HDAC9: variants seen among roughly 807,000 people sequenced by gnomAD.
HDAC9 encodes the protein histone deacetylase 9, also known as MEF-2 interacting transcription repressor (MITR) protein.
HDAC9 carries 41 observed loss-of-function variants against 139.4 expected under a neutral mutation model. That is an observed-to-expected ratio of 0.29 (90% CI 0.23 to 0.38). The LOEUF (loss-of-function observed/expected upper bound fraction) is 0.38, where lower values mean the gene tolerates loss of function less well. Among genes scored for constraint, HDAC9 ranks in the 10% least tolerant of loss-of-function variants. HDAC9 has a pLI of 1.00. For synonymous variants in HDAC9, 517 were observed against 476.2 expected, an observed-to-expected ratio of 1.09 and a Z score of -1.12; for missense variants, 1,147 against 1,297.0, an observed-to-expected ratio of 0.88 and a Z score of 1.78.
intron 1 of HDAC9, among the ~76,000 whole-genome samples, chr7:18,305,253 T>C (rs1422354530): frequency 1.3e-5 from 2 of 152,166 alleles, no homozygotes; most frequent in African/African-American, 2.4e-5. Context: ...AGTGCCACAA[T>C]AGCAAAAATC....
At chr7:18,244,571 G>A (rs1348374254) in intron 2 of HDAC9, among the ~76,000 whole-genome samples, 1 of 152,094 alleles carries the variant, frequency 6.6e-6, no homozygotes, top group African/African-American at 2.4e-5. Flanking sequence ...GGCCAGGGCG[G>A]GTGGATTACA....
intron 2 of HDAC9, among the ~76,000 whole-genome samples, chr7:18,214,692 G>C (rs534856869): frequency 2.0e-5 from 3 of 151,940 alleles, no homozygotes; most frequent in Non-Finnish European, 2.9e-5. Context: ...TATATAATGT[G>C]TATAACATTT....
intron 8 of HDAC9, among the ~76,000 whole-genome samples, chr7:18,643,352 G>A (rs1273410256): frequency 6.6e-6 from 1 of 152,062 alleles, no homozygotes; most frequent in Non-Finnish European, 1.5e-5. Flanking sequence ...TAATGTTATT[G>A]CTTTCAACAT....
chr7:18,494,715 T>C (rs1335232333), upstream of HDAC9, among the ~76,000 whole-genome samples: 1 of 152,098 alleles, frequency 6.6e-6, no homozygotes, highest in East Asian at 1.9e-4. Flanking sequence ...TAAATGCTAT[T>C]TCTACAGAAA....
chr7:18,201,060 G>A (rs1791081188), intron 2 of HDAC9, among the ~76,000 whole-genome samples: 1 of 152,146 alleles, frequency 6.6e-6, no homozygotes, highest in Admixed American at 6.5e-5. Flanking sequence ...GCCAGGCCCA[G>A]TTCCTTAGTT....
rs771306477 is a variant in HDAC9, at chr7:18,443,920, TTATA to T, written c.-41-52336_-41-52333del. ...ACATTTGTATAAACATACATTTGTATTATATATATGTATATATATGTATGTATGT... is the reference window on the plus strand; with the variant it reads ...ACATTTGTATAAACATACATTTGTATTATATGTATATATATGTATGTATGT... On this transcript the variant is annotated intron_variant, in intron 1 of 3. Transcript: ENST00000413509. Among the ~76,000 whole-genome samples, 5 of 151,666 alleles carry T rather than the reference TTATA, an allele frequency of 3.3e-5. No homozygotes were observed. In the East Asian group the frequency reaches 7.7e-4, roughly 23 times the overall value.
intron 21 of HDAC9, among the ~76,000 whole-genome samples, chr7:18,868,151 A>G (rs1798634376): frequency 6.6e-6 from 1 of 152,102 alleles, no homozygotes; most frequent in South Asian, 2.1e-4. Context: ...CTTATATGCC[A>G]GGTAATCCCT....
chr7:18,115,060 C>T (rs2697905), intron 1 of HDAC9, among the ~76,000 whole-genome samples: 2 of 152,042 alleles, frequency 1.3e-5, no homozygotes, highest in African/African-American at 4.8e-5. Context: ...GAGAGGCCAA[C>T]GTGGGAGGAT....
At chr7:18,965,230 A>G (rs1264818375) in intron 24 of HDAC9, among the ~76,000 whole-genome samples, 1 of 152,194 alleles carries the variant, frequency 6.6e-6, no homozygotes, top group Non-Finnish European at 1.5e-5. Context: ...GAGATAATTC[A>G]CTATTCATGT....
intron 1 of HDAC9, among the ~76,000 whole-genome samples, chr7:18,107,506 G>T (rs1031269526): frequency 1.4e-5 from 2 of 147,994 alleles, no homozygotes; most frequent in African/African-American, 2.5e-5. Flanking sequence ...TCTCTTTCTT[G>T]CTCTCTCTCT....
intron 1 of HDAC9, among the ~76,000 whole-genome samples, chr7:18,104,253 T>C (rs950841884): frequency 8.5e-5 from 13 of 152,236 alleles, no homozygotes; most frequent in African/African-American, 2.4e-4. Context: ...GTATTTTTTT[T>C]TTTGTTTATA....
At chr7:18,318,436 C>A (rs1160774148) in intron 1 of HDAC9, among the ~76,000 whole-genome samples, 1 of 152,170 alleles carries the variant, frequency 6.6e-6, no homozygotes, top group African/African-American at 2.4e-5. Flanking sequence ...TCAACGATAA[C>A]TACAGACAGC....
chr7:18,600,478 C>A (rs1420970897), intron 6 of HDAC9, among the ~76,000 whole-genome samples: 1 of 152,146 alleles, frequency 6.6e-6, no homozygotes, highest in East Asian at 1.9e-4. Flanking sequence ...AGGTCCTTGT[C>A]TAGATTCATT....
chr7:18,201,217 C>T (rs1343303213), intron 2 of HDAC9, among the ~76,000 whole-genome samples: 1 of 152,108 alleles, frequency 6.6e-6, no homozygotes, highest in Non-Finnish European at 1.5e-5. Flanking sequence ...TCCTCTTTTC[C>T]TTAAAGCTTT....
chr7:18,905,971 C>A (rs7455192), intron 22 of HDAC9, among the ~76,000 whole-genome samples: 20,983 of 147,266 alleles, frequency 0.14, 1,811 homozygotes, highest in East Asian at 0.34. Flanking sequence ...TTCCTTCCTT[C>A]CTTCTCTCCT....
chr7:18,108,330 TG>T (rs2128079866), intron 1 of HDAC9, among the ~76,000 whole-genome samples: 1 of 152,230 alleles, frequency 6.6e-6, no homozygotes, highest in East Asian at 1.9e-4. Flanking sequence ...TATATGGAGA[TG>T]GGCGCCATCA....
chr7:18,348,164 A>G (rs1782570962), intron 1 of HDAC9, among the ~76,000 whole-genome samples: 1 of 152,206 alleles, frequency 6.6e-6, no homozygotes, highest in African/African-American at 2.4e-5. Flanking sequence ...CATGAAAAGC[A>G]CAAGCACCCC....
At chr7:18,381,627 A>G (rs1785455622) in intron 1 of HDAC9, among the ~76,000 whole-genome samples, 1 of 152,172 alleles carries the variant, frequency 6.6e-6, no homozygotes, top group East Asian at 1.9e-4. Flanking sequence ...AAAAGTGAGA[A>G]TAGACTATTC....
chr7:18,446,056 CTATT>C (rs1792264412), intron 1 of HDAC9, among the ~76,000 whole-genome samples: 1 of 151,722 alleles, frequency 6.6e-6, no homozygotes, highest in African/African-American at 2.4e-5. Context: ...GTGTAGGTCT[CTATT>C]TAAAGAGAGT....
Sources: allele counts gnomAD v4.1 joint callset (sites outside exome capture counted in the v4.1 genomes callset), GRCh38; gene constraint gnomAD v4.1.1; transcripts MANE v1.5; gene names NCBI Gene and HGNC (gene_info 2026-07-23, HGNC 2026-07-21).